GALNT2: variants seen among roughly 807,000 people sequenced by gnomAD.
The protein encoded by GALNT2 is UDP-GalNAc:polypeptide N-acetylgalactosaminyltransferase 2.
In GALNT2, 31 loss-of-function variants were observed where a neutral mutation model predicts 81.4. That is an observed-to-expected ratio of 0.38 (90% confidence interval 0.29 to 0.51). GALNT2 has a LOEUF of 0.51. GALNT2 is among the 20% of genes least tolerant of loss of function. The probability of loss-of-function intolerance (pLI) is 0.87; values close to 1 mark genes in which losing one functional copy is unlikely to be tolerated. For synonymous variants in GALNT2, 303 were observed against 287.4 expected (o/e 1.05, Z -0.55); for missense variants, 629 against 765.7 (o/e 0.82, Z 2.11).
intron 3 of GALNT2, among the ~76,000 whole-genome samples, chr1:230,205,690 G>A (rs975632029): frequency 1.3e-5 from 2 of 152,110 alleles, no homozygotes; most frequent in African/African-American, 2.4e-5. Flanking sequence ...GTGCAAGATC[G>A]CAAGTGTATA....
chr1:230,090,347 G>T (rs563498330), intron 1 of GALNT2, among the ~76,000 whole-genome samples: 1 of 152,228 alleles, frequency 6.6e-6, no homozygotes, highest in African/African-American at 2.4e-5. Context: ...AAACATAACC[G>T]TGTCTTCCAG....
At chr1:230,065,928 G>A (rs1659162642), upstream of GALNT2, among the ~76,000 whole-genome samples, 1 of 152,010 alleles carries the variant, frequency 6.6e-6, no homozygotes, top group Non-Finnish European at 1.5e-5. Context: ...TGATCAATAA[G>A]GCACCTGACC....
At chr1:230,074,882 C>T (rs750560361) in intron 1 of GALNT2, among the ~76,000 whole-genome samples, 15 of 152,128 alleles carry the variant, frequency 9.9e-5, no homozygotes, top group Non-Finnish European at 1.6e-4. Flanking sequence ...CCAGGGTTGT[C>T]TGGTGGAAGA....
intron 1 of GALNT2, chr1:230,058,211 C>T: frequency 4.6e-6 from 2 of 433,068 alleles, no homozygotes; most frequent in Admixed American, 4.8e-5. Context: ...CTCTCAGGCT[C>T]ACTCAGGGGC....
At chr1:230,112,385 G>T (rs1024021616) in intron 1 of GALNT2, among the ~76,000 whole-genome samples, 2 of 133,910 alleles carry the variant, frequency 1.5e-5, no homozygotes, top group East Asian at 2.1e-4. Context: ...GCCGGGGGAG[G>T]GGGGGGGCCT....
chr1:230,108,799 G>C (rs1660615156), intron 1 of GALNT2, among the ~76,000 whole-genome samples: 1 of 152,082 alleles, frequency 6.6e-6, no homozygotes, highest in African/African-American at 2.4e-5. Context: ...GGCTGACTGA[G>C]AGCTGTGAAT....
chr1:230,177,433 G>GT (rs1663018704), intron 1 of GALNT2, among the ~76,000 whole-genome samples: 1 of 152,250 alleles, frequency 6.6e-6, no homozygotes, highest in Admixed American at 6.5e-5. Context: ...GCTTATTTCT[G>GT]ATTTGGGTTA....
chr1:230,240,751 A>T (rs1490163217), intron 6 of GALNT2, among the ~76,000 whole-genome samples: 3 of 151,998 alleles, frequency 2.0e-5, no homozygotes, highest in African/African-American at 7.3e-5. Flanking sequence ...ATGTAAATTG[A>T]ATATGTAAGA....
chr1:230,157,613 C>T (rs917396853), intron 1 of GALNT2, among the ~76,000 whole-genome samples: 2 of 152,158 alleles, frequency 1.3e-5, no homozygotes, highest in Non-Finnish European at 2.9e-5. Context: ...CTGTGGTTTG[C>T]GTACATGGTG....
chr1:230,244,272 TTA>T (rs1367836640), intron 7 of GALNT2, among the ~76,000 whole-genome samples: 3 of 152,024 alleles, frequency 2.0e-5, no homozygotes, highest in Admixed American at 2.0e-4. Flanking sequence ...TAGGCCTTTT[TTA>T]TATGTTACCT....
At chr1:230,241,432 T>G (rs77408320) in intron 6 of GALNT2, among the ~76,000 whole-genome samples, 2 of 114,560 alleles carry the variant, frequency 1.7e-5, no homozygotes, top group South Asian at 2.9e-4. Context: ...ATGAGTATGG[T>G]TTTTTTTTTT....
At chr1:230,099,630 G>C (rs1007664558) in intron 1 of GALNT2, among the ~76,000 whole-genome samples, 1 of 152,250 alleles carries the variant, frequency 6.6e-6, no homozygotes, top group African/African-American at 2.4e-5. Flanking sequence ...TTTAGCAATG[G>C]TGCGTTCCCT....
intron 1 of GALNT2, among the ~76,000 whole-genome samples, chr1:230,079,337 T>G (rs1659659834): frequency 6.6e-6 from 1 of 152,280 alleles, no homozygotes; most frequent in South Asian, 2.1e-4. Context: ...CTCATTTGTC[T>G]TGCTTTTCAG....
Position 230,222,031 on chromosome 1 carries a change from C to CTTTTTTTTTTTTT in GALNT2, c.375-13982_375-13970dup, listed in dbSNP as rs564681409. 9.4e-5 allele frequency among the ~76,000 whole-genome samples: 9 copies of CTTTTTTTTTTTTT among 96,110 alleles called. 1 individual carries two copies. Among genetic ancestry groups the CTTTTTTTTTTTTT allele is most frequent in the African/African-American group, 2.0e-4 (4 of 19,554 alleles). The allele number at this position is 96,110 out of a possible 152,430, so 63.1% of individuals were successfully genotyped here. Reference sequence around the variant, plus strand: ...TTTATATACATTTCACTGCTTTTCTCTTTTTTTTTTTTTGAGACAGAGTCT... The same window carrying CTTTTTTTTTTTTT: ...TTTATATACATTTCACTGCTTTTCTCTTTTTTTTTTTTTTTTTTTTTTTTTTGAGACAGAGTCT... On this transcript the variant is annotated intron_variant, in intron 3 of 15. Coordinates refer to ENST00000366672, the MANE Select transcript of GALNT2 (RefSeq NM_004481.5).
At position 230,095,703 on chromosome 1, in the gene GALNT2, C is replaced by G. The variant is rs528025476; in HGVS notation, c.126+28297C>G. ...GGTCAGTCTGGTGTCAAACTTGAAC[C>G]AGTAGACTGCTGTGGATGTGACACT... On this transcript the variant is annotated intron_variant, in intron 1 of 15. Transcript: ENST00000366672. 5.3e-5 allele frequency among the ~76,000 whole-genome samples: 8 copies of G among 152,316 alleles called. No individual in the cohort carries two copies. In the East Asian group the frequency reaches 1.5e-3, roughly 29 times the overall value.
In GALNT2 at chr1:230,243,237, G is replaced by C; in HGVS notation, c.608-69G>C. The C allele has an allele frequency of 6.7e-7, 1 of 1,499,984 alleles. No individual in the cohort carries two copies. The highest frequency in any genetic ancestry group is 1.3e-5 in the South Asian group (1 of 75,564). 92.9% of individuals were successfully genotyped at this position (1,499,984 alleles called of 1,614,324 possible). ...GAGCTGCGGGCAGGGAGGCGTCGCC[G>C]GTTGGCATGGGGTTGTGCTGGCCCT... is the stretch of plus-strand genomic sequence containing the variant. On this transcript the variant is annotated intron_variant, in intron 6 of 15. Transcript: ENST00000366672. The surrounding 1 kb of genome is among the most constrained non-coding windows in gnomAD (Gnocchi z 4.2).
intron 2 of GALNT2, among the ~76,000 whole-genome samples, chr1:230,192,654 G>C (rs186677545): frequency 2.0e-5 from 3 of 152,330 alleles, no homozygotes; most frequent in Admixed American, 1.3e-4. Context: ...TTATCAATTT[G>C]ATACTGTTTT....
intron 1 of GALNT2, among the ~76,000 whole-genome samples, chr1:230,096,073 T>C (rs1317919300): frequency 1.3e-5 from 2 of 152,218 alleles, no homozygotes; most frequent in Non-Finnish European, 1.5e-5. Flanking sequence ...AGCCATTTGC[T>C]GGGCCAGGGA....
chr1:230,104,487 C>T (rs1660483689), intron 1 of GALNT2, among the ~76,000 whole-genome samples: 1 of 152,182 alleles, frequency 6.6e-6, no homozygotes, highest in African/African-American at 2.4e-5. Flanking sequence ...AAAAGCCGTG[C>T]CTTGTTGGAT....
Sources: gnomAD v4.1 joint callset for allele counts (sites outside exome capture counted in the v4.1 genomes callset) on GRCh38, gnomAD v4.1.1 for gene constraint, Gnocchi (gnomAD v3.1) non-coding constraint, MANE v1.5 for transcripts, NCBI Gene and HGNC (gene_info 2026-07-23, HGNC 2026-07-21) for gene names.